Variants in ZNF75D observed in about 807,000 individuals in gnomAD.
ZNF75D encodes the protein zinc finger protein 75D.
Under a neutral mutation model 33.3 loss-of-function variants are expected in ZNF75D, and 33 were observed. That is an observed-to-expected ratio of 0.99 (90% confidence interval 0.75 to 1.32). The LOEUF (loss-of-function observed/expected upper bound fraction) is 1.32, where lower values mean the gene tolerates loss of function less well. Ranked by LOEUF, ZNF75D falls within the 40% of genes most tolerant of loss-of-function variation. The pLI, the probability that ZNF75D is intolerant of heterozygous loss-of-function variation, is 0.00. For missense variants in ZNF75D, 338 were observed against 367.5 expected (o/e 0.92, Z 0.66); for synonymous variants, 113 against 130.6 (o/e 0.87, Z 0.92).
intron 1 of ZNF75D, among the ~76,000 whole-genome samples, chrX:135,325,784 AC>A (rs201061704): frequency 0.072 from 8,041 of 111,411 alleles, 580 homozygotes; most frequent in African/African-American, 0.22. Flanking sequence ...GAGAGGCGCC[AC>A]CCCCTGCTCC....
At chrX:135,322,942 T>C (rs1289855389) in intron 1 of ZNF75D, among the ~76,000 whole-genome samples, 1 of 112,414 alleles carries the variant, frequency 8.9e-6, no homozygotes, top group African/African-American at 3.2e-5. Context: ...GATATAGCTG[T>C]ACTTTGGACC....
chrX:135,325,660 G>A (rs1213223095), intron 1 of ZNF75D, among the ~76,000 whole-genome samples: 3 of 112,783 alleles, frequency 2.7e-5, no homozygotes, highest in African/African-American at 6.4e-5. Context: ...CGATGCACTC[G>A]ATTTCTCACC....
At chrX:135,335,592 T>C (rs782367117) in intron 1 of ZNF75D, among the ~76,000 whole-genome samples, 1 of 112,176 alleles carries the variant, frequency 8.9e-6, no homozygotes, top group East Asian at 2.8e-4. Flanking sequence ...GTTCTGAGTG[T>C]TGGGAGAAGA....
In ZNF75D at chrX:135,305,973, T is replaced by A. The variant is rs192894769; in HGVS notation, c.-390-9934A>T. On this transcript the variant is annotated intron_variant, in intron 1 of 6. Transcript: ENST00000370766. ...ATCCACACCATTTTCCTGGATTTTC[T>A]ACGCTCCCTGTGGTATAGAGATGGG... Among the ~76,000 whole-genome samples, 8 of 111,666 alleles carry A rather than the reference T, an allele frequency of 7.2e-5. No homozygotes were observed. The East Asian group carries it at 1.7e-3, about 24-fold the overall frequency.
In ZNF75D at chrX:135,294,175, ACT is replaced by A. The variant is rs782200476; in HGVS notation, c.-37_-36del. ...GAACAGTTTTACTCTTGTATGTGAC[ACT>A]GACACCCACCTGGTACCACCTTTGA... On this transcript the variant is annotated 5_prime_UTR_variant, in exon 3 of 7. It removes the in-frame stop codon of an upstream open reading frame in the 5' UTR. Transcript: ENST00000370766. 1.8e-6 allele frequency: 2 copies of A among 1,111,138 alleles called. No homozygotes were observed. The highest frequency in any genetic ancestry group is 4.3e-5 in the South Asian group (2 of 46,481). The allele number at this position is 1,111,138 out of a possible 1,213,427, so 91.6% of individuals were successfully genotyped here. A position where few individuals can be genotyped will look rare whatever the true frequency, so the allele number is the denominator to read the frequency against.
At chrX:135,266,611 A>G (rs201325102) in intron 1 of ZNF75D, among the ~76,000 whole-genome samples, 2 of 110,149 alleles carry the variant, frequency 1.8e-5, no homozygotes, top group South Asian at 3.8e-4. Flanking sequence ...CCAACACTGG[A>G]GCACCCAGAT....
At chrX:135,303,162 T>TCA (rs2084241383) in intron 1 of ZNF75D, among the ~76,000 whole-genome samples, 1 of 110,506 alleles carries the variant, frequency 9.0e-6, no homozygotes, top group Non-Finnish European at 1.9e-5. Context: ...GAATATACAA[T>TCA]CGGGTTTTAC....
At chrX:135,296,838 T>C (rs1480480319) in intron 1 of ZNF75D, among the ~76,000 whole-genome samples, 2 of 112,191 alleles carry the variant, frequency 1.8e-5, no homozygotes, top group East Asian at 5.6e-4. Context: ...AGATTACCAG[T>C]GGCAGATTTT....
chrX:135,298,841 C>A (rs2084171397), intron 1 of ZNF75D, among the ~76,000 whole-genome samples: 1 of 111,861 alleles, frequency 8.9e-6, no homozygotes, highest in South Asian at 3.7e-4. Context: ...CTTCTCTATA[C>A]ATTTCCCTGT....
intron 2 of ZNF75D, chrX:135,253,637 G>A (rs1276056287): frequency 3.8e-6 from 1 of 260,339 alleles, no homozygotes; most frequent in African/African-American, 2.9e-5. Context: ...CTGACAGGGT[G>A]TTCTTGGGTT....
downstream of ZNF75D, among the ~76,000 whole-genome samples, chrX:135,282,359 C>G (rs1556418659): frequency 1.8e-5 from 2 of 111,646 alleles, no homozygotes; most frequent in Non-Finnish European, 3.8e-5. Flanking sequence ...CTCGAGCGTA[C>G]CAGGTCGACT....
chrX:135,258,826 T>C (rs2083823867), intron 1 of ZNF75D, among the ~76,000 whole-genome samples: 1 of 112,315 alleles, frequency 8.9e-6, no homozygotes, highest in African/African-American at 3.2e-5. Context: ...ATTTTGGCTT[T>C]TGTTGCCATT....
At position 135,309,266 on chromosome X, in the gene ZNF75D, G is replaced by A. The variant is rs189068249; in HGVS notation, c.-390-13227C>T. 3.5e-3 allele frequency among the ~76,000 whole-genome samples: 389 copies of A among 111,572 alleles called. 3 individuals carry two copies. Among genetic ancestry groups the A allele is most frequent in the African/African-American group, 0.012 (361 of 30,701 alleles). Reference sequence around the variant, plus strand: ...TACAACAGTGTGTCCTTAATGTCCCGGGTCCCATCAGGCTCCTACACAGCC... The same window carrying A: ...TACAACAGTGTGTCCTTAATGTCCCAGGTCCCATCAGGCTCCTACACAGCC... On this transcript the variant is annotated intron_variant, in intron 1 of 6. Coordinates refer to ENST00000370766, the MANE Select transcript of ZNF75D (RefSeq NM_007131.5).
chrX:135,328,239 T>C (rs1329492081), intron 1 of ZNF75D, among the ~76,000 whole-genome samples: 1 of 111,100 alleles, frequency 9.0e-6, no homozygotes, highest in African/African-American at 3.3e-5. Context: ...TGCCTGAAAG[T>C]GGGACGTTTG....
chrX:135,268,086 A>G (rs1266787953), intron 1 of ZNF75D, among the ~76,000 whole-genome samples: 1 of 103,802 alleles, frequency 9.6e-6, no homozygotes, highest in Non-Finnish European at 2.0e-5. Context: ...AAAATCCTCA[A>G]AAGCTGGATA....
intron 1 of ZNF75D, among the ~76,000 whole-genome samples, chrX:135,340,880 G>T (rs2084775832): frequency 8.9e-6 from 1 of 112,186 alleles, no homozygotes. Context: ...CACTGAACCG[G>T]TATAATTAAA....
At chrX:135,335,930 T>A (rs2084706042) in intron 1 of ZNF75D, among the ~76,000 whole-genome samples, 1 of 112,181 alleles carries the variant, frequency 8.9e-6, no homozygotes, top group African/African-American at 3.2e-5. Context: ...AACTTATCCT[T>A]TTTTTGTTTT....
chrX:135,318,134 G>C (rs782018444), intron 1 of ZNF75D, among the ~76,000 whole-genome samples: 1 of 100,880 alleles, frequency 9.9e-6, no homozygotes, highest in Non-Finnish European at 2.0e-5. Flanking sequence ...AATTTAGATC[G>C]TCCTGGCACT....
At chrX:135,264,219 G>A (rs1420377636) in intron 1 of ZNF75D, among the ~76,000 whole-genome samples, 1 of 111,654 alleles carries the variant, frequency 9.0e-6, no homozygotes, top group Non-Finnish European at 1.9e-5. Flanking sequence ...AGACAGCAAA[G>A]GAGGGAGTGC....
Sources: gnomAD v4.1 joint callset for allele counts (sites outside exome capture counted in the v4.1 genomes callset) on GRCh38, gnomAD v4.1.1 for gene constraint, MANE v1.5 for transcripts, NCBI Gene and HGNC (gene_info 2026-07-23, HGNC 2026-07-21) for gene names.